The following FHIT variants were observed in gnomAD, a reference collection of about 807,000 sequenced individuals.
The protein encoded by FHIT is bis(5'-adenosyl)-triphosphatase.
Under a neutral mutation model 17.9 loss-of-function variants are expected in FHIT, and 19 were observed. That is an observed-to-expected ratio of 1.06 (90% CI 0.74 to 1.56). The LOEUF (loss-of-function observed/expected upper bound fraction) is 1.56, where lower values mean the gene tolerates loss of function less well. Among genes scored for constraint, FHIT ranks in the 40% most tolerant of loss-of-function variants. The pLI is 0.00. For missense variants in FHIT, 248 were observed against 189.2 expected (o/e 1.31, Z -1.82); for synonymous variants, 81 against 69.7 (o/e 1.16, Z -0.81).
Position 60,547,621 on chromosome 3 carries a change from C to T in FHIT, c.-17-10642G>A, listed in dbSNP as rs79689701. 8.2e-3 allele frequency among the ~76,000 whole-genome samples: 1,251 copies of T among 152,234 alleles called. 28 individuals carry two copies. Among genetic ancestry groups the T allele is most frequent in the African/African-American group, 0.029 (1,197 of 41,532 alleles). ...GCCTCTTGCTACCTCTCTCTTATGA[C>T]ATATTTGTACCCTCTCTACCTCCTA... On this transcript the variant is annotated intron_variant, in intron 4 of 9. Coordinates refer to ENST00000492590, the MANE Select transcript of FHIT (RefSeq NM_002012.4).
intron 8 of FHIT, among the ~76,000 whole-genome samples, chr3:59,904,003 G>C (rs151031251): frequency 9.3e-4 from 142 of 152,112 alleles, no homozygotes; most frequent in African/African-American, 3.3e-3. Flanking sequence ...AGTTAGTTAG[G>C]GCCTGAAGAA....
At chr3:60,379,404 G>C (rs1186824660) in intron 5 of FHIT, among the ~76,000 whole-genome samples, 1 of 134,660 alleles carries the variant, frequency 7.4e-6, no homozygotes, top group Non-Finnish European at 1.5e-5. Context: ...CTAATACTTA[G>C]ATACTTAATG....
intron 7 of FHIT, among the ~76,000 whole-genome samples, chr3:59,944,223 A>G (rs1474902446): frequency 1.3e-5 from 2 of 152,336 alleles, no homozygotes; most frequent in East Asian, 1.9e-4. Flanking sequence ...CTATAGTACA[A>G]TATCAAACCC....
Position 60,143,052 on chromosome 3 carries a change from G to C in FHIT, c.104-128900C>G, listed in dbSNP as rs112095800. Among the ~76,000 whole-genome samples, 141 of 152,184 alleles carry C rather than the reference G, an allele frequency of 9.3e-4. 1 individual carries two copies. The highest frequency in any genetic ancestry group is 3.2e-3 in the African/African-American group (133 of 41,534). On this transcript the variant is annotated intron_variant, in intron 5 of 9. Transcript: ENST00000492590. ...GCATCCAACACAAGAAAGAAAACTG[G>C]GTCTGCGGCACAATTTTCAATATTC...
chr3:59,970,075 C>G (rs762023947), intron 7 of FHIT, among the ~76,000 whole-genome samples: 5 of 152,014 alleles, frequency 3.3e-5, no homozygotes, highest in Non-Finnish European at 5.9e-5. Context: ...TCATCTATTT[C>G]CATTTAACCA....
chr3:60,987,228 C>G (rs1032035325), intron 3 of FHIT, among the ~76,000 whole-genome samples: 3 of 152,190 alleles, frequency 2.0e-5, no homozygotes, highest in Non-Finnish European at 4.4e-5. Context: ...GCAGGCCCCC[C>G]AAAATCTGGC....
intron 3 of FHIT, among the ~76,000 whole-genome samples, chr3:60,903,446 G>A (rs781620183): frequency 6.6e-6 from 1 of 152,132 alleles, no homozygotes; most frequent in Non-Finnish European, 1.5e-5. Context: ...AACTGGCAGA[G>A]GCCAAATAAA....
intron 4 of FHIT, among the ~76,000 whole-genome samples, chr3:60,580,061 A>G (rs988562819): frequency 1.3e-5 from 2 of 152,146 alleles, no homozygotes; most frequent in Non-Finnish European, 2.9e-5. Context: ...CACATCTCTC[A>G]TTGGTGATGA....
At chr3:60,843,814 C>A (rs1702825907) in intron 3 of FHIT, among the ~76,000 whole-genome samples, 1 of 152,128 alleles carries the variant, frequency 6.6e-6, no homozygotes, top group Non-Finnish European at 1.5e-5. Context: ...AGTGTTCATC[C>A]TTCTCTTCTT....
intron 5 of FHIT, among the ~76,000 whole-genome samples, chr3:60,286,051 G>A (rs1707712343): frequency 6.6e-6 from 1 of 152,048 alleles, no homozygotes; most frequent in Admixed American, 6.5e-5. Flanking sequence ...AGCAGGGGTG[G>A]GGAGCACACA....
At chr3:60,056,436 T>G (rs1325502084) in intron 5 of FHIT, among the ~76,000 whole-genome samples, 1 of 152,254 alleles carries the variant, frequency 6.6e-6, no homozygotes, top group Admixed American at 6.5e-5. Flanking sequence ...CCGATTCTAT[T>G]GTTTGCAGTA....
intron 4 of FHIT, among the ~76,000 whole-genome samples, chr3:60,537,709 C>T (rs530920522): frequency 1.3e-5 from 2 of 152,240 alleles, no homozygotes; most frequent in South Asian, 4.2e-4. Context: ...GCAAATGGCA[C>T]AGCTGAGACA....
chr3:60,044,448 T>C lies in FHIT; in HGVS notation c.104-30296A>G, dbSNP rs556433443. 2.0e-5 allele frequency among the ~76,000 whole-genome samples: 3 copies of C among 152,272 alleles called. No homozygotes were observed. The South Asian group carries it at 6.2e-4, about 32-fold the overall frequency. On this transcript the variant is annotated intron_variant, in intron 5 of 9. Coordinates refer to ENST00000492590, the MANE Select transcript of FHIT (RefSeq NM_002012.4). Reference sequence around the variant, plus strand: ...CATGAGTGCCCAGGGTAAGCCTTCCTCACAATGTTGCAAAGCAAATCGTGT... The same window carrying C: ...CATGAGTGCCCAGGGTAAGCCTTCCCCACAATGTTGCAAAGCAAATCGTGT...
At chr3:59,825,360 G>A (rs1700940310) in intron 8 of FHIT, among the ~76,000 whole-genome samples, 1 of 152,144 alleles carries the variant, frequency 6.6e-6, no homozygotes, top group South Asian at 2.1e-4. Flanking sequence ...GCCTCAGTGT[G>A]TGTTAATGGC....
chr3:60,134,071 G>C lies in FHIT; in HGVS notation c.104-119919C>G, dbSNP rs557343231. Among the ~76,000 whole-genome samples the C allele has an allele frequency of 2.0e-5, 3 of 152,040 alleles. 1 individual carries two copies. The East Asian group carries it at 5.8e-4, about 29-fold the overall frequency. ...AGGTCTTTCCATGTTTTACCAAAAA[G>C]AGTGATTCAAGCATGACCCGTCCAG... On this transcript the variant is annotated intron_variant, in intron 5 of 9. Transcript: ENST00000492590.
intron 4 of FHIT, among the ~76,000 whole-genome samples, chr3:60,545,947 TA>T (rs2036345822): frequency 6.6e-6 from 1 of 152,226 alleles, no homozygotes; most frequent in Non-Finnish European, 1.5e-5. Context: ...TCTAACGCCA[TA>T]AATTATTGTT....
chr3:60,585,853 T>A (rs1408382733), intron 4 of FHIT, among the ~76,000 whole-genome samples: 4 of 152,004 alleles, frequency 2.6e-5, no homozygotes, highest in Non-Finnish European at 4.4e-5. Context: ...CTATTTTTTT[T>A]AATTCCAGAT....
rs1050973140 is a variant in FHIT at position 60,158,316 on chromosome 3, TTCTC to T, written c.104-144168_104-144165del. Among the ~76,000 whole-genome samples the T allele has an allele frequency of 1.9e-4, 29 of 152,002 alleles. No homozygotes were observed. In the East Asian group the frequency reaches 2.3e-3, roughly 12 times the overall value. The stretch of plus-strand genomic sequence containing the variant: ...AGACAAAACAAGACTATTTCATAAT[TTCTC>T]TCTCTTTTTTTTTTTTGAGACAGAA... On this transcript the variant is annotated intron_variant, in intron 5 of 9. Coordinates refer to ENST00000492590, the MANE Select transcript of FHIT (RefSeq NM_002012.4).
chr3:61,232,205 G>A (rs1280487783), intron 1 of FHIT, among the ~76,000 whole-genome samples: 1 of 151,986 alleles, frequency 6.6e-6, no homozygotes, highest in Non-Finnish European at 1.5e-5. Context: ...CCAACATGGC[G>A]AAACCCTGTC....
Sources: gnomAD v4.1 joint callset for allele counts (sites outside exome capture counted in the v4.1 genomes callset) on GRCh38, gnomAD v4.1.1 for gene constraint, MANE v1.5 for transcripts, NCBI Gene and HGNC (gene_info 2026-07-23, HGNC 2026-07-21) for gene names.